CFAP54: variants seen among roughly 807,000 people sequenced by gnomAD.
CFAP54 encodes cilia- and flagella-associated protein 54.
CFAP54 carries 290 observed loss-of-function variants against 370.4 expected under a neutral mutation model. That is an observed-to-expected ratio of 0.78 (90% confidence interval 0.71 to 0.86). The LOEUF (loss-of-function observed/expected upper bound fraction) is 0.86, where lower values mean the gene tolerates loss of function less well. Ranked by LOEUF, CFAP54 falls within the 40% of genes least tolerant of loss-of-function variation. The pLI, the probability that CFAP54 is intolerant of heterozygous loss-of-function variation, is 0.00. For missense variants in CFAP54, 3,399 were observed against 3,528.7 expected (o/e 0.96, Z 0.93); for synonymous variants, 1,206 against 1,236.5 (o/e 0.98, Z 0.52).
At chr12:96,776,368 G>C (rs1231663643) in intron 60 of CFAP54, among the ~76,000 whole-genome samples, 1 of 151,602 alleles carries the variant, frequency 6.6e-6, no homozygotes, top group African/African-American at 2.4e-5. Context: ...AGTTCTATTA[G>C]AAATTAAAGC....
chr12:96,683,014 TA>T (rs1957288656), intron 40 of CFAP54, among the ~76,000 whole-genome samples: 1 of 152,212 alleles, frequency 6.6e-6, no homozygotes, highest in Non-Finnish European at 1.5e-5. Context: ...AGTATATTCT[TA>T]ACCCATACGA....
intron 9 of CFAP54, among the ~76,000 whole-genome samples, chr12:96,532,667 C>T (rs968929793): frequency 6.6e-6 from 1 of 152,104 alleles, no homozygotes; most frequent in African/African-American, 2.4e-5. Flanking sequence ...GTCACCCAGG[C>T]TGGAGTGCAA....
intron 32 of CFAP54, 71 bp downstream of exon 32, chr12:96,630,722 A>C: frequency 3.3e-6 from 3 of 921,062 alleles, no homozygotes; most frequent in Non-Finnish European, 4.6e-6. Flanking sequence ...TATTTTGGGT[A>C]CTAGGGATAC....
chr12:96,521,515 T>C (rs1195906637), intron 6 of CFAP54, among the ~76,000 whole-genome samples: 1 of 87,004 alleles, frequency 1.1e-5, no homozygotes. Context: ...TGTGTGTGTG[T>C]GTGTGTGTGT....
At chr12:96,495,487 G>GT (rs59091655) in intron 1 of CFAP54, among the ~76,000 whole-genome samples, 41,711 of 144,236 alleles carry the variant, frequency 0.29, 6,096 homozygotes, top group South Asian at 0.39. Context: ...GCTAATTTTT[G>GT]TTTTTTTTTT....
chr12:96,577,858 CGA>C (rs1050291426), intron 20 of CFAP54, among the ~76,000 whole-genome samples: 1 of 151,772 alleles, frequency 6.6e-6, no homozygotes, highest in Non-Finnish European at 1.5e-5. Flanking sequence ...GTCAGGGGTT[CGA>C]GACCATCCTG....
rs2136421642 is a variant in CFAP54 at position 96,576,625 on chromosome 12, A to G, written c.2660A>G (p.Asn887Ser). 1 of 1,534,872 alleles carries G rather than the reference A, an allele frequency of 6.5e-7. No individual in the cohort carries two copies. Among genetic ancestry groups the G allele is most frequent in the East Asian group, 2.4e-5 (1 of 40,896 alleles). Residue 887 changes from asparagine (N) to serine (S), a missense_variant, in exon 20 of 68, where the codon AAT becomes AGT. Physicochemically the swap from Asn to Ser is conservative, Grantham distance 46. Transcript: ENST00000524981. ...SLIQRIEAEQNALYSYQKYLE... is the reference protein window; with the variant it reads ...SLIQRIEAEQSALYSYQKYLE... ...ATTCAGAGGATTGAAGCTGAACAAA[A>G]TGCCCTATATTCCTATCAGAAATAT... is the stretch of plus-strand genomic sequence containing the variant.
chr12:96,700,737 G>C (rs1278451003), intron 46 of CFAP54, among the ~76,000 whole-genome samples: 1 of 152,092 alleles, frequency 6.6e-6, no homozygotes, highest in Non-Finnish European at 1.5e-5. Flanking sequence ...TCTTCATGGT[G>C]GTCTGGGAAT....
intron 63 of CFAP54, among the ~76,000 whole-genome samples, chr12:96,807,580 A>G (rs1958895023): frequency 6.6e-6 from 1 of 152,152 alleles, no homozygotes; most frequent in Admixed American, 6.6e-5. Flanking sequence ...TGAGTAAGGG[A>G]GCATTGAAAG....
intron 3 of CFAP54, among the ~76,000 whole-genome samples, chr12:96,504,418 C>T (rs1197594193): frequency 3.3e-5 from 5 of 152,178 alleles, no homozygotes; most frequent in African/African-American, 1.2e-4. Context: ...CAAGATTAAA[C>T]ATAAATCTAT....
chr12:96,572,627 A>C (rs1391022348), intron 19 of CFAP54, among the ~76,000 whole-genome samples: 1 of 152,178 alleles, frequency 6.6e-6, no homozygotes, highest in African/African-American at 2.4e-5. Flanking sequence ...TGGAGGTTGA[A>C]GAGACTAGAA....
chr12:96,539,758 A>G (rs551843155), intron 13 of CFAP54, among the ~76,000 whole-genome samples: 5 of 152,270 alleles, frequency 3.3e-5, no homozygotes, highest in South Asian at 4.1e-4. Context: ...AAGATTAATA[A>G]TAGAGAATAC....
intron 5 of CFAP54, among the ~76,000 whole-genome samples, chr12:96,515,181 G>A (rs11108561): frequency 0.27 from 40,495 of 151,612 alleles, 5,714 homozygotes; most frequent in South Asian, 0.38. Context: ...CTAATTTTTT[G>A]TATTTTTAGT....
chr12:96,875,230 T>A lies in CFAP54; in HGVS notation c.*127T>A, dbSNP rs541740664. 1 of 152,352 alleles carries A rather than the reference T, an allele frequency of 6.6e-6. No homozygotes were observed. The highest frequency in any genetic ancestry group is 6.5e-5 in the Admixed American group (1 of 15,306). 9.4% of individuals were successfully genotyped at this position (152,352 alleles called of 1,614,324 possible). A position where few individuals can be genotyped will look rare whatever the true frequency, so the allele number is the denominator to read the frequency against. ...GAGAAGAAGTAGTCATGATTCAATG[T>A]CTTGCTTGCACAGAAGCCTCTAGTT... On this transcript the variant is annotated 3_prime_UTR_variant, in exon 68 of 68. Transcript: ENST00000524981.
intron 42 of CFAP54, among the ~76,000 whole-genome samples, 198 bp from the exon 43 acceptor site, chr12:96,688,718 A>G (rs914501805): frequency 1.4e-4 from 22 of 152,174 alleles, no homozygotes; most frequent in South Asian, 4.1e-4. Context: ...AAATGTTACT[A>G]GTAATCATAT....
intron 60 of CFAP54, among the ~76,000 whole-genome samples, chr12:96,771,662 A>G (rs895304148): frequency 1.4e-4 from 21 of 152,108 alleles, no homozygotes; most frequent in Non-Finnish European, 2.8e-4. Flanking sequence ...AAAAACAAAA[A>G]ACAAACAAAC....
chr12:96,678,312 G>T (rs1033347666), intron 39 of CFAP54, among the ~76,000 whole-genome samples: 3 of 151,938 alleles, frequency 2.0e-5, no homozygotes, highest in African/African-American at 4.8e-5. Context: ...GTGCAGTGGC[G>T]CAATCTTGGT....
In CFAP54 at chr12:96,691,248, T is replaced by C; in HGVS notation, c.6202T>C (p.Ser2068Pro). ...FSDRYRADICSVIASLYYIIR... is the reference protein window; with the variant it reads ...FSDRYRADICPVIASLYYIIR... Reference sequence around the variant, plus strand: ...AGATAGATACAGGGCTGACATTTGCTCTGTAATTGCAAGTCTGTATTACAT... The same window carrying C: ...AGATAGATACAGGGCTGACATTTGCCCTGTAATTGCAAGTCTGTATTACAT... Residue 2068 changes from serine (S) to proline (P), a missense_variant, in exon 44 of 68, where the codon TCT becomes CCT. Around this residue, in one of 3 missense-constraint regions of CFAP54, gnomAD observed 2,796 missense variants for 2,869.7 expected, o/e 0.97. Coordinates refer to ENST00000524981, the MANE Select transcript of CFAP54 (RefSeq NM_001306084.2). The C allele has an allele frequency of 6.2e-7, 1 of 1,612,492 alleles. No individual in the cohort carries two copies. The highest frequency in any genetic ancestry group is 8.5e-7 in the Non-Finnish European group (1 of 1,179,334).
intron 50 of CFAP54, among the ~76,000 whole-genome samples, chr12:96,733,946 G>C (rs1367973973): frequency 6.6e-6 from 1 of 152,184 alleles, no homozygotes; most frequent in Non-Finnish European, 1.5e-5. Context: ...GTTAGCCTTG[G>C]AAACTACTGA....
Sources: allele counts gnomAD v4.1 joint callset (sites outside exome capture counted in the v4.1 genomes callset), GRCh38; gene constraint gnomAD v4.1.1; regional missense constraint gnomAD v4.1.1; transcripts MANE v1.5; gene names NCBI Gene and HGNC (gene_info 2026-07-23, HGNC 2026-07-21).